GALNT7: variants seen among roughly 807,000 people sequenced by gnomAD.
GALNT7 encodes the protein polypeptide N-acetylgalactosaminyltransferase 7, also known as N-acetylgalactosaminyltransferase 7.
A neutral mutation model predicts 82.1 loss-of-function variants in GALNT7; 60 were observed. That is an observed-to-expected ratio of 0.73 (90% CI 0.59 to 0.91). The LOEUF (loss-of-function observed/expected upper bound fraction) is 0.91. Ranked by LOEUF, GALNT7 falls within the 40% of genes least tolerant of loss-of-function variation. GALNT7 has a pLI of 0.00. For synonymous variants in GALNT7, 243 were observed against 275.1 expected, an observed-to-expected ratio of 0.88 and a Z score of 1.15; for missense variants, 660 against 804.2, an observed-to-expected ratio of 0.82 and a Z score of 2.17.
At chr4:173,179,861 G>A (rs1440903128) in intron 1 of GALNT7, among the ~76,000 whole-genome samples, 1 of 152,206 alleles carries the variant, frequency 6.6e-6, no homozygotes, top group Non-Finnish European at 1.5e-5. Flanking sequence ...AAGTCATGAT[G>A]CGTGAAGTTC....
At chr4:173,252,245 C>G (rs1166080282) in intron 2 of GALNT7, among the ~76,000 whole-genome samples, 2 of 152,178 alleles carry the variant, frequency 1.3e-5, no homozygotes, top group Non-Finnish European at 2.9e-5. Context: ...ATCCTCATCC[C>G]TCATGGGGAA....
rs1737684764 is a variant in GALNT7, at chr4:173,318,525, A to G, written c.1802A>G (p.Asn601Ser). ...TCAAAAGTTATGATTACACACTGTAATCTAAATGAATTTAAGGAATGGCAG... is the reference window on the plus strand; with the variant it reads ...TCAAAAGTTATGATTACACACTGTAGTCTAAATGAATTTAAGGAATGGCAG... ...DGSKVMITHC[N>S]LNEFKEWQYF... The change falls in exon 11 of 12, where the codon AAT (asparagine) becomes AGT (serine). Residue 601 changes from asparagine (N) to serine (S), a missense_variant. By Grantham distance (46) the Asn-to-Ser change is conservative. Coordinates refer to ENST00000265000, the MANE Select transcript of GALNT7 (RefSeq NM_017423.3). 1.9e-6 allele frequency: 3 copies of G among 1,572,052 alleles called. No individual in the cohort carries two copies. The African/African-American group carries it at 4.1e-5, about 21-fold the overall frequency.
chr4:173,258,360 G>T (rs1189817136), intron 2 of GALNT7, among the ~76,000 whole-genome samples: 1 of 152,206 alleles, frequency 6.6e-6, no homozygotes, highest in Non-Finnish European at 1.5e-5. Context: ...CCCAGAAAGG[G>T]TTCAGCCCTA....
rs924832326 is a variant in GALNT7, at chr4:173,182,434, T to G, written c.126+13473T>G. Among the ~76,000 whole-genome samples, 4 of 152,318 alleles carry G rather than the reference T, an allele frequency of 2.6e-5. No individual in the cohort carries two copies. In the East Asian group the frequency reaches 5.8e-4, roughly 22 times the overall value. On this transcript the variant is annotated intron_variant, in intron 1 of 11. Transcript: ENST00000265000. ...TAACTACAATCTATTTTTTTCTCCCTTGGAACAGTGGATTCCTTTCTCTGA... is the reference window on the plus strand; with the variant it reads ...TAACTACAATCTATTTTTTTCTCCCGTGGAACAGTGGATTCCTTTCTCTGA...
At chr4:173,288,282 C>CAAAAAAAAAAAAAAAAAAAAAAA (rs70944442) in intron 2 of GALNT7, among the ~76,000 whole-genome samples, 1 of 62,970 alleles carries the variant, frequency 1.6e-5, no homozygotes, top group African/African-American at 8.7e-5. Flanking sequence ...GACTCCATCT[C>CAAAAAAAAAAAAAAAAAAAAAAA]AAAAAAAAAA....
Position 173,302,171 on chromosome 4 carries a change from T to G in GALNT7, c.1266+7T>G, listed in dbSNP as rs747492749. On this transcript the variant is annotated splice_region_variant and intron_variant, in intron 7 of 11. Transcript: ENST00000265000. The surrounding 1 kb of genome is among the most constrained non-coding windows in gnomAD (Gnocchi z 4.2). ...CTTTGAGATCTCATACAAGGTAACA[T>G]TTTATTTCAACAGATGGAATTCTCC... 1 of 1,151,368 alleles carries G rather than the reference T, an allele frequency of 8.7e-7. No individual in the cohort carries two copies. The highest frequency in any genetic ancestry group is 1.2e-5 in the South Asian group (1 of 81,256). The allele number at this position is 1,151,368 out of a possible 1,614,324, so 71.3% of individuals were successfully genotyped here.
intron 2 of GALNT7, among the ~76,000 whole-genome samples, chr4:173,284,804 G>T (rs189798360): frequency 1.2e-4 from 18 of 151,794 alleles, no homozygotes; most frequent in African/African-American, 3.6e-4. Flanking sequence ...CCTTGCATTA[G>T]TCTACTATTA....
intron 2 of GALNT7, among the ~76,000 whole-genome samples, chr4:173,249,275 C>G (rs1487137606): frequency 6.6e-6 from 1 of 152,160 alleles, no homozygotes; most frequent in East Asian, 1.9e-4. Flanking sequence ...AAGGTTAATA[C>G]AGCAGGTGCT....
At chr4:173,263,864 C>A (rs113269485) in intron 2 of GALNT7, among the ~76,000 whole-genome samples, 2,284 of 152,194 alleles carry the variant, frequency 0.015, 68 homozygotes, top group African/African-American at 0.052. Flanking sequence ...AATATAAACA[C>A]ATCATAAAAT....
chr4:173,200,851 A>G (rs1242761955), intron 1 of GALNT7, among the ~76,000 whole-genome samples: 2 of 152,204 alleles, frequency 1.3e-5, no homozygotes, highest in African/African-American at 4.8e-5. Context: ...TGAATGAGAA[A>G]AGAATTAGAG....
rs117323969 is a variant in GALNT7, at chr4:173,265,118, C to T, written c.587+16678C>T. On this transcript the variant is annotated intron_variant, in intron 2 of 11. Coordinates refer to ENST00000265000, the MANE Select transcript of GALNT7 (RefSeq NM_017423.3). ...CATCAGACGCAGCCAGGATACCAGG[C>T]TTGCCCTTCTTCGGTTTCCCCAGGA... is the stretch of plus-strand genomic sequence containing the variant. 3.0e-3 allele frequency among the ~76,000 whole-genome samples: 450 copies of T among 152,360 alleles called. 4 individuals are homozygous for T. The East Asian group carries it at 0.034, about 12-fold the overall frequency.
chr4:173,244,564 C>T (rs1024704531), intron 1 of GALNT7, among the ~76,000 whole-genome samples: 1 of 151,898 alleles, frequency 6.6e-6, no homozygotes, highest in Non-Finnish European at 1.5e-5. Flanking sequence ...AGGTAACTTC[C>T]CTGTCAGATG....
intron 8 of GALNT7, among the ~76,000 whole-genome samples, chr4:173,308,833 G>T (rs1427840253): frequency 7.2e-5 from 11 of 152,180 alleles, no homozygotes; most frequent in African/African-American, 2.7e-4. Context: ...AACCCTGGAG[G>T]CAGAGTTTGC....
chr4:173,183,043 AACACACACACACACACACACACACAC>A (rs35043722), intron 1 of GALNT7, among the ~76,000 whole-genome samples: 10 of 125,034 alleles, frequency 8.0e-5, no homozygotes, highest in East Asian at 5.2e-4. Flanking sequence ...CACACACATA[AACACACACACACACACACACACACAC>A]ACACACACAC....
At position 173,187,709 on chromosome 4, in the gene GALNT7, T is replaced by C. The variant is rs570353298; in HGVS notation, c.126+18748T>C. Among the ~76,000 whole-genome samples, 5 of 152,342 alleles carry C rather than the reference T, an allele frequency of 3.3e-5. No homozygotes were observed. The South Asian group carries it at 8.3e-4, about 25-fold the overall frequency. On this transcript the variant is annotated intron_variant, in intron 1 of 11. Coordinates refer to ENST00000265000, the MANE Select transcript of GALNT7 (RefSeq NM_017423.3). ...ACTCTAAGGCTTTTAAACTTCTGCC[T>C]AGTGAGTTAGTATTAAGAAATTTAA...
In GALNT7 at chr4:173,295,687, A is replaced by G. The variant is rs1361338635; in HGVS notation, c.886-77A>G. On this transcript the variant is annotated intron_variant, in intron 4 of 11. Transcript: ENST00000265000. ...GACTATAATGCTAATTTTTATTAGC[A>G]TCTAATTTTAAATTGTGTGTAATAT... 10 of 1,133,698 alleles carry G rather than the reference A, an allele frequency of 8.8e-6. No homozygotes were observed. In the East Asian group the frequency reaches 1.9e-4, roughly 21 times the overall value. The allele number at this position is 1,133,698 out of a possible 1,614,324, so 70.2% of individuals were successfully genotyped here.
intron 9 of GALNT7, among the ~76,000 whole-genome samples, chr4:173,314,468 T>C (rs1737517706): frequency 6.6e-6 from 1 of 152,146 alleles, no homozygotes; most frequent in Non-Finnish European, 1.5e-5. Context: ...CTTAACTAAT[T>C]TCAATTTATC....
At chr4:173,297,692 C>T (rs1417486383) in intron 5 of GALNT7, 1 of 524,182 alleles carries the variant, frequency 1.9e-6, no homozygotes, top group Non-Finnish European at 3.2e-6. Context: ...TTAAAGTCCC[C>T]TAGTGCACAA....
At chr4:173,191,189 C>T (rs150203452) in intron 1 of GALNT7, among the ~76,000 whole-genome samples, 18 of 151,788 alleles carry the variant, frequency 1.2e-4, no homozygotes, top group African/African-American at 4.1e-4. Context: ...CTCACAAAAG[C>T]GCCTGGCAAG....
Sources: allele counts gnomAD v4.1 joint callset (sites outside exome capture counted in the v4.1 genomes callset), GRCh38; gene constraint gnomAD v4.1.1; non-coding constraint Gnocchi (gnomAD v3.1); transcripts MANE v1.5; gene names NCBI Gene and HGNC (gene_info 2026-07-23, HGNC 2026-07-21).